Variants in TNFAIP8 observed in about 807,000 individuals in gnomAD.
TNFAIP8 encodes TNF alpha induced protein 8, also known as tumor necrosis factor alpha-induced protein 8.
A neutral mutation model predicts 13.3 loss-of-function variants in TNFAIP8; 7 were observed. The ratio of observed to expected loss-of-function variants is 0.52; its 90% CI spans 0.30 to 0.99. The LOEUF is 0.99. Among genes scored for constraint, TNFAIP8 ranks in the 50% least tolerant of loss-of-function variants. The probability of loss-of-function intolerance (pLI) is 0.07; values close to 1 mark genes in which losing one functional copy is unlikely to be tolerated. For missense variants in TNFAIP8, 258 were observed against 236.9 expected (o/e 1.09, Z -0.58); for synonymous variants, 94 against 87.6 (o/e 1.07, Z -0.41).
intron 1 of TNFAIP8, among the ~76,000 whole-genome samples, chr5:119,382,263 C>A (rs1161228424): frequency 6.6e-6 from 1 of 152,324 alleles, no homozygotes; most frequent in Middle Eastern, 3.4e-3. Context: ...CTCTTTGCTA[C>A]CATTGCATTT....
intron 1 of TNFAIP8, among the ~76,000 whole-genome samples, chr5:119,276,341 C>T (rs1167519157): frequency 6.6e-6 from 1 of 152,128 alleles, no homozygotes; most frequent in Non-Finnish European, 1.5e-5. Flanking sequence ...TGGTCTCGAA[C>T]TCCTGACCTC....
At chr5:119,269,124 C>T (rs186375510) in intron 1 of TNFAIP8, among the ~76,000 whole-genome samples, 1 of 152,346 alleles carries the variant, frequency 6.6e-6, no homozygotes, top group East Asian at 1.9e-4. Flanking sequence ...CGAAATTTTA[C>T]TCGGTTCCAG....
intron 1 of TNFAIP8, among the ~76,000 whole-genome samples, chr5:119,334,484 A>C (rs951149397): frequency 2.0e-5 from 3 of 148,996 alleles, no homozygotes; most frequent in Non-Finnish European, 4.4e-5. Context: ...CTTTTGGTCC[A>C]TTATTGAACC....
chr5:119,385,431 C>A (rs756481077), intron 1 of TNFAIP8, among the ~76,000 whole-genome samples: 43 of 152,272 alleles, frequency 2.8e-4, no homozygotes, highest in East Asian at 5.8e-4. Context: ...TTGCATCTTG[C>A]TGCTGTTGCA....
intron 1 of TNFAIP8, among the ~76,000 whole-genome samples, chr5:119,304,298 G>A (rs1749486929): frequency 6.6e-6 from 1 of 151,904 alleles, no homozygotes; most frequent in African/African-American, 2.4e-5. Context: ...TCTTAAAAGT[G>A]CTCCTCCTGC....
chr5:119,367,056 A>G (rs2112803016), intron 1 of TNFAIP8, among the ~76,000 whole-genome samples: 1 of 152,310 alleles, frequency 6.6e-6, no homozygotes, highest in Middle Eastern at 3.4e-3. Context: ...GAGGCAGCCT[A>G]GCTGAGCCCA....
At chr5:119,269,071 T>G (rs1748183381) in intron 1 of TNFAIP8, among the ~76,000 whole-genome samples, 1 of 152,200 alleles carries the variant, frequency 6.6e-6, no homozygotes, top group South Asian at 2.1e-4. Flanking sequence ...TAGGTGGGTG[T>G]GCGTACGAGT....
At chr5:119,297,298 A>G (rs1032296625) in intron 1 of TNFAIP8, among the ~76,000 whole-genome samples, 1 of 151,928 alleles carries the variant, frequency 6.6e-6, no homozygotes, top group Non-Finnish European at 1.5e-5. Flanking sequence ...AGATTCTGGT[A>G]TGTTGTGTCT....
At position 119,393,204 on chromosome 5, in the gene TNFAIP8, C is replaced by T. The variant is rs1200508403; in HGVS notation, c.420C>T (p.His140=). 2.3e-5 allele frequency: 37 copies of T among 1,613,900 alleles called. No individual in the cohort carries two copies. Among genetic ancestry groups the T allele is most frequent in the Non-Finnish European group, 3.1e-5 (37 of 1,179,898 alleles). The change falls in exon 2 of 2, where the codon CAC becomes CAT. Residue 140 remains histidine (H), a synonymous_variant. Transcript: ENST00000504771. ...RLLNECREML[H]QIIQRHLTAK... ...TAAATGAATGCAGAGAGATGCTGCACCAAATCATTCAGCGCCACCTCACTG... is the reference window on the plus strand; with the variant it reads ...TAAATGAATGCAGAGAGATGCTGCATCAAATCATTCAGCGCCACCTCACTG...
intron 1 of TNFAIP8, among the ~76,000 whole-genome samples, chr5:119,331,090 C>T (rs995630268): frequency 6.6e-6 from 1 of 152,194 alleles, no homozygotes; most frequent in Non-Finnish European, 1.5e-5. Flanking sequence ...CCACTCTCCT[C>T]CTTGCCTTGA....
At chr5:119,321,649 T>C (rs187947979) in intron 1 of TNFAIP8, among the ~76,000 whole-genome samples, 2 of 152,286 alleles carry the variant, frequency 1.3e-5, no homozygotes, top group African/African-American at 2.4e-5. Context: ...TTCTTTCCAC[T>C]TGCCCTAGCA....
At chr5:119,369,607 C>G (rs530368628) in intron 1 of TNFAIP8, among the ~76,000 whole-genome samples, 9 of 152,256 alleles carry the variant, frequency 5.9e-5, no homozygotes, top group African/African-American at 2.2e-4. Context: ...ATCATCCATA[C>G]ATTGATATTT....
At chr5:119,337,207 A>G (rs754664233) in intron 1 of TNFAIP8, among the ~76,000 whole-genome samples, 5 of 152,198 alleles carry the variant, frequency 3.3e-5, no homozygotes, top group African/African-American at 4.8e-5. Context: ...CAGAGCTCCC[A>G]TTCTAGACTA....
chr5:119,343,890 A>G (rs932740396), intron 1 of TNFAIP8, among the ~76,000 whole-genome samples: 6 of 152,216 alleles, frequency 3.9e-5, no homozygotes, highest in Non-Finnish European at 5.9e-5. Flanking sequence ...ATGATTCATC[A>G]TAAGGTTTGT....
At chr5:119,384,292 C>T (rs1293350062) in intron 1 of TNFAIP8, among the ~76,000 whole-genome samples, 1 of 152,180 alleles carries the variant, frequency 6.6e-6, no homozygotes, top group Non-Finnish European at 1.5e-5. Flanking sequence ...CGAGACCAGC[C>T]TGGCCAACAT....
At chr5:119,364,406 C>T (rs1248153650) in intron 1 of TNFAIP8, among the ~76,000 whole-genome samples, 1 of 152,210 alleles carries the variant, frequency 6.6e-6, no homozygotes, top group Non-Finnish European at 1.5e-5. Context: ...CTCACTCCGT[C>T]ACCCAGGCTG....
chr5:119,294,645 T>A (rs1749108285), intron 1 of TNFAIP8, among the ~76,000 whole-genome samples: 1 of 152,180 alleles, frequency 6.6e-6, no homozygotes. Context: ...GTAGAACTAG[T>A]TTACAGTCCC....
upstream of TNFAIP8, among the ~76,000 whole-genome samples, chr5:119,354,051 G>C (rs1201903689): frequency 6.6e-6 from 1 of 152,204 alleles, no homozygotes; most frequent in African/African-American, 2.4e-5. Context: ...GCAGAATGTT[G>C]ACTTGGGCAG....
At chr5:119,279,427 A>C (rs1446240231) in intron 1 of TNFAIP8, among the ~76,000 whole-genome samples, 1 of 152,230 alleles carries the variant, frequency 6.6e-6, no homozygotes, top group Non-Finnish European at 1.5e-5. Context: ...AGGATGAACC[A>C]TGGTGGTGTG....
Sources: gnomAD v4.1 joint callset for allele counts (sites outside exome capture counted in the v4.1 genomes callset) on GRCh38, gnomAD v4.1.1 for gene constraint, MANE v1.5 for transcripts, NCBI Gene and HGNC (gene_info 2026-07-23, HGNC 2026-07-21) for gene names.